SYNJ1: variants seen among roughly 807,000 people sequenced by gnomAD.
The protein encoded by SYNJ1 is polyphosphatidylinositol phosphatase SYNJ1.
In SYNJ1, 78 loss-of-function variants were observed where a neutral mutation model predicts 168.2. The ratio of observed to expected loss-of-function variants is 0.46; its 90% CI spans 0.39 to 0.56. The LOEUF (loss-of-function observed/expected upper bound fraction) is 0.56, where lower values mean the gene tolerates loss of function less well. Among genes scored for constraint, SYNJ1 ranks in the 20% least tolerant of loss-of-function variants. The probability of loss-of-function intolerance (pLI) is 0.00; values close to 1 mark genes in which losing one functional copy is unlikely to be tolerated. For synonymous variants in SYNJ1, 539 were observed against 548.6 expected (o/e 0.98, Z 0.24); for missense variants, 1,303 against 1,597.6 (o/e 0.82, Z 3.14).
chr21:32,679,222 C>T (rs2041530179), intron 11 of SYNJ1, among the ~76,000 whole-genome samples: 1 of 152,032 alleles, frequency 6.6e-6, no homozygotes, highest in African/African-American at 2.4e-5. Flanking sequence ...TTAACTGCCC[C>T]TAGAAAAACT....
Position 32,656,670 on chromosome 21 carries a change from C to T in SYNJ1, c.2795+17G>A. ...GTTTATGAATCACAAGCTACTTTTG[C>T]ATAATAAACATCTTACCTTATAAGT... On this transcript the variant is annotated intron_variant, in intron 21 of 32. Coordinates refer to ENST00000674351, the MANE Select transcript of SYNJ1 (RefSeq NM_203446.3). 6.3e-7 allele frequency: 1 copy of T among 1,591,348 alleles called. No homozygotes were observed. The highest frequency in any genetic ancestry group is 1.1e-5 in the South Asian group (1 of 88,676).
At chr21:32,709,347 C>T (rs947846873) in intron 2 of SYNJ1, among the ~76,000 whole-genome samples, 1 of 151,804 alleles carries the variant, frequency 6.6e-6, no homozygotes, top group Non-Finnish European at 1.5e-5. Context: ...CGTGGTGGCG[C>T]ACAACTGTAG....
intron 2 of SYNJ1, among the ~76,000 whole-genome samples, chr21:32,718,101 T>A (rs2043088584): frequency 6.6e-6 from 1 of 152,226 alleles, no homozygotes; most frequent in African/African-American, 2.4e-5. Context: ...TACTCCACTA[T>A]GGTCAGAAGC....
intron 11 of SYNJ1, 131 bp downstream of exon 11, chr21:32,681,365 C>G: frequency 9.6e-7 from 1 of 1,040,880 alleles, no homozygotes; most frequent in Non-Finnish European, 1.3e-6. Context: ...GGCATAAAAG[C>G]ACATTAAACA....
At chr21:32,680,585 T>C (rs2041582139) in intron 11 of SYNJ1, among the ~76,000 whole-genome samples, 1 of 151,918 alleles carries the variant, frequency 6.6e-6, no homozygotes. Flanking sequence ...TAAAAAGTAA[T>C]GATGAAACAG....
rs940322620 is a variant in SYNJ1 at position 32,667,642 on chromosome 21, G to C, written c.1812-1069C>G. ...GGCTGGAGTGCTGTGGCAGGATGTC[G>C]GTTCACTGCAACCTCTGCCTGAGCT... On this transcript the variant is annotated intron_variant, in intron 15 of 32. Coordinates refer to ENST00000674351, the MANE Select transcript of SYNJ1 (RefSeq NM_203446.3). 2.6e-5 allele frequency among the ~76,000 whole-genome samples: 4 copies of C among 151,882 alleles called. No homozygotes were observed. In the South Asian group the frequency reaches 8.3e-4, roughly 32 times the overall value.
Position 32,640,441 on chromosome 21 carries a change from G to A in SYNJ1, c.3589-662C>T, listed in dbSNP as rs531087821. ...CTTCCGAGTAGCTGGGACTACAGGC[G>A]CCCGCCACCACACGCGGCTAATTTT... On this transcript the variant is annotated intron_variant, in intron 29 of 32. Coordinates refer to ENST00000674351, the MANE Select transcript of SYNJ1 (RefSeq NM_203446.3). Among the ~76,000 whole-genome samples the A allele has an allele frequency of 8.5e-5, 13 of 152,134 alleles. No individual in the cohort carries two copies. In the South Asian group the frequency reaches 2.5e-3, roughly 29 times the overall value.
chr21:32,699,782 A>G, intron 4 of SYNJ1, 56 bp downstream of exon 4: 1 of 1,555,492 alleles, frequency 6.4e-7, no homozygotes, highest in Non-Finnish European at 8.7e-7. Flanking sequence ...TTGATGACTG[A>G]ACAACTGCTG....
In SYNJ1 at chr21:32,724,957, C is replaced by T. The variant is rs533844731; in HGVS notation, c.124+1815G>A. On this transcript the variant is annotated intron_variant, in intron 2 of 32. Transcript: ENST00000674351. ...ATAGCTTAGACAATATTTTAATATT[C>T]TTTCTCCTTAGAATGCACATTAATG... 1.3e-4 allele frequency among the ~76,000 whole-genome samples: 20 copies of T among 152,224 alleles called. 1 individual carries two copies. In the East Asian group the frequency reaches 3.9e-3, roughly 29 times the overall value.
At position 32,639,772 on chromosome 21, in the gene SYNJ1, G is replaced by C; in HGVS notation, c.3596C>G (p.Pro1199Arg). ...GGCACTGATAACTCCAGCACGAGGA[G>C]GAATCGTCTACAGATAGGAAACATA... is the stretch of plus-strand genomic sequence containing the variant. ...AGYSTARPTI[P>R]PRAGVISAPQ... The change falls in exon 30 of 33, where the codon CCT becomes CGT. Residue 1199 changes from proline to arginine, a missense_variant. By Grantham distance (103) the Pro-to-Arg change is moderately radical. Around this residue, in one of 2 missense-constraint regions of SYNJ1, gnomAD observed 383 missense variants for 388.8 expected, o/e 0.99. Coordinates refer to ENST00000674351, the MANE Select transcript of SYNJ1 (RefSeq NM_203446.3). 4 of 1,613,746 alleles carry C rather than the reference G, an allele frequency of 2.5e-6. No individual in the cohort carries two copies. The highest frequency in any genetic ancestry group is 3.4e-6 in the Non-Finnish European group (4 of 1,179,714).
At chr21:32,656,961 A>T (rs1601308890) in intron 20 of SYNJ1, 42 bp downstream of exon 20, 2 of 1,610,618 alleles carry the variant, frequency 1.2e-6, no homozygotes, top group African/African-American at 2.7e-5. Context: ...TGTATTTCAA[A>T]CAAATTTCAA....
intron 18 of SYNJ1, among the ~76,000 whole-genome samples, chr21:32,659,148 T>C (rs1369850389): frequency 6.6e-6 from 1 of 151,038 alleles, no homozygotes; most frequent in Non-Finnish European, 1.5e-5. Context: ...TCATAAGCTT[T>C]AAGAAGTGTT....
At chr21:32,708,275 A>G (rs1396129551) in intron 2 of SYNJ1, among the ~76,000 whole-genome samples, 1 of 152,216 alleles carries the variant, frequency 6.6e-6, no homozygotes, top group African/African-American at 2.4e-5. Flanking sequence ...AGCGGAAATG[A>G]AAGTTCGGAA....
At chr21:32,673,637 A>C in intron 13 of SYNJ1, 106 bp from the exon 14 acceptor site, 1 of 915,906 alleles carries the variant, frequency 1.1e-6, no homozygotes, top group African/African-American at 1.7e-5. Flanking sequence ...AATTATTATC[A>C]CAAGCACAAA....
In SYNJ1 at chr21:32,685,820, C is replaced by A. The variant is rs748368610; in HGVS notation, c.1046G>T (p.Ser349Ile). 4.2e-5 allele frequency: 68 copies of A among 1,613,114 alleles called. No homozygotes were observed. The South Asian group carries it at 6.9e-4, about 16-fold the overall frequency. Residue 349 changes from serine (S) to isoleucine (I), a missense_variant, in exon 9 of 33, where the codon AGT becomes ATT. By Grantham distance (142) the Ser-to-Ile change is moderately radical. Around this residue, in one of 2 missense-constraint regions of SYNJ1, gnomAD observed 920 missense variants for 1,208.8 expected, o/e 0.76. Transcript: ENST00000674351. ...CTTCTGGACTTGAGGTTTAAGAACA[C>A]TATGTAATTTTTCTGCCTTTCCTCC... Reference protein sequence around the residue: ...VKGGKAEKLHSVLKPQVQKFL... With the variant: ...VKGGKAEKLHIVLKPQVQKFL...
chr21:32,703,338 T>C lies in SYNJ1; in HGVS notation c.125-1291A>G, dbSNP rs182330564. Among the ~76,000 whole-genome samples, 171 of 152,372 alleles carry C rather than the reference T, an allele frequency of 1.1e-3. 2 individuals are homozygous for C. Among genetic ancestry groups the C allele is most frequent in the East Asian group, 4.4e-3 (23 of 5,190 alleles). On this transcript the variant is annotated intron_variant, in intron 2 of 32. Transcript: ENST00000674351. The stretch of plus-strand genomic sequence containing the variant: ...GGATTTATATTTCATTCTGTATTCC[T>C]TGAGTTCCTATTATTATTACATCTT...
intron 14 of SYNJ1, chr21:32,670,911 T>C (rs899406139): frequency 3.3e-5 from 23 of 701,230 alleles, no homozygotes; most frequent in Middle Eastern, 1.5e-3. Flanking sequence ...CTGCTGGCAC[T>C]CTGGAAACTA....
intron 2 of SYNJ1, among the ~76,000 whole-genome samples, chr21:32,720,431 G>A (rs1264865765): frequency 6.6e-6 from 1 of 152,116 alleles, no homozygotes; most frequent in Admixed American, 6.5e-5. Context: ...TTCATATTCT[G>A]TAATAAAGAT....
intron 8 of SYNJ1, among the ~76,000 whole-genome samples, chr21:32,686,341 T>C (rs767273858): frequency 1.3e-5 from 2 of 152,196 alleles, no homozygotes; most frequent in African/African-American, 2.4e-5. Flanking sequence ...AAAATAGCTA[T>C]AAAATCAGGA....
Sources: gnomAD v4.1 joint callset for allele counts (sites outside exome capture counted in the v4.1 genomes callset) on GRCh38, gnomAD v4.1.1 for gene constraint, gnomAD v4.1.1 regional missense constraint, MANE v1.5 for transcripts, NCBI Gene and HGNC (gene_info 2026-07-23, HGNC 2026-07-21) for gene names.